SLC2A9: variants seen among roughly 807,000 people sequenced by gnomAD.
The protein encoded by SLC2A9 is solute carrier family 2, facilitated glucose transporter member 9.
SLC2A9 carries 39 observed loss-of-function variants against 50.6 expected under a neutral mutation model. The observed-to-expected ratio is 0.77, with a 90% CI of 0.60 to 1.01. The LOEUF (loss-of-function observed/expected upper bound fraction) is 1.01, where lower values mean the gene tolerates loss of function less well. Ranked by LOEUF, SLC2A9 falls within the 50% of genes least tolerant of loss-of-function variation. The pLI is 0.00. For missense variants in SLC2A9, 686 were observed against 677.6 expected, an observed-to-expected ratio of 1.01 and a Z score of -0.14; for synonymous variants, 324 against 276.9, an observed-to-expected ratio of 1.17 and a Z score of -1.69.
chr4:9,773,130 C>G (rs1318198570), intron 1 of SLC2A9, among the ~76,000 whole-genome samples: 1 of 152,204 alleles, frequency 6.6e-6, no homozygotes, highest in Non-Finnish European at 1.5e-5. Flanking sequence ...AACCTCCTTG[C>G]TCCTGAACTG....
At chr4:9,928,320 G>A (rs1266396578) in intron 6 of SLC2A9, among the ~76,000 whole-genome samples, 1 of 152,210 alleles carries the variant, frequency 6.6e-6, no homozygotes, top group Non-Finnish European at 1.5e-5. Flanking sequence ...GGATAAAGAT[G>A]ACATTTTAAC....
Position 9,995,464 on chromosome 4 carries a change from C to T in SLC2A9, c.410+1317G>A, listed in dbSNP as rs560807737. ...CAACTCTAGTTTTCTCCTTGTTGGG[C>T]TGTGAGGAAGAATGTAAAGGATTCG... On this transcript the variant is annotated intron_variant, in intron 3 of 11. Coordinates refer to ENST00000264784, the MANE Select transcript of SLC2A9 (RefSeq NM_020041.3). Among the ~76,000 whole-genome samples the T allele has an allele frequency of 3.3e-5, 5 of 152,238 alleles. No homozygotes were observed. The South Asian group carries it at 1.0e-3, about 32-fold the overall frequency.
intron 3 of SLC2A9, among the ~76,000 whole-genome samples, chr4:9,784,759 G>A (rs1247071481): frequency 6.6e-6 from 1 of 152,204 alleles, no homozygotes; most frequent in African/African-American, 2.4e-5. Context: ...ATCTAAATGT[G>A]AGCACTATTA....
chr4:9,818,632 G>C (rs1107911), intron 3 of SLC2A9, among the ~76,000 whole-genome samples: 11,711 of 152,268 alleles, frequency 0.077, 933 homozygotes, highest in East Asian at 0.25. Context: ...GGGGCTGCTG[G>C]CCAAGGCCAA....
Position 9,826,557 on chromosome 4 carries a change from C to G in SLC2A9, c.1463G>C (p.Cys488Ser), listed in dbSNP as rs1416584354. The change falls in exon 12 of 12, where the codon TGT becomes TCT. Residue 488 changes from cysteine (C) to serine (S), a missense_variant. Cys to Ser is a moderately radical substitution (Grantham distance 112, BLOSUM62 -1). Transcript: ENST00000264784. ...ATACAGGTAGATAGCACCTGTGATA[C>G]AAATTGTAGCAAAGACTAGGAAACA... Reference protein sequence around the residue: ...TYCFLVFATICITGAIYLYFV... With the variant: ...TYCFLVFATISITGAIYLYFV... 42 of 1,613,852 alleles carry G rather than the reference C, an allele frequency of 2.6e-5. No homozygotes were observed. The highest frequency in any genetic ancestry group is 3.5e-5 in the Non-Finnish European group (41 of 1,179,910).
chr4:10,030,106 C>A (rs1578391085), intron 1 of SLC2A9, among the ~76,000 whole-genome samples: 1 of 152,066 alleles, frequency 6.6e-6, no homozygotes, highest in South Asian at 2.1e-4. Context: ...TCAAAGGGAA[C>A]AAAGTTTCCA....
intron 10 of SLC2A9, among the ~76,000 whole-genome samples, chr4:9,838,927 C>A (rs148627391): frequency 6.6e-6 from 1 of 152,102 alleles, no homozygotes; most frequent in Non-Finnish European, 1.5e-5. Context: ...CAATACCATT[C>A]GGCAAATAGG....
At chr4:9,893,540 GGGAGGCAGAGAGGGAC>G (rs1737931757) in intron 8 of SLC2A9, among the ~76,000 whole-genome samples, 1 of 151,604 alleles carries the variant, frequency 6.6e-6, no homozygotes, top group African/African-American at 2.4e-5. Context: ...GAGAGATAGG[GGGAGGCAGAGAGGGAC>G]GGAGGGAGAG....
At chr4:9,969,398 G>A (rs78964079) in intron 5 of SLC2A9, among the ~76,000 whole-genome samples, 1 of 152,020 alleles carries the variant, frequency 6.6e-6, no homozygotes, top group Admixed American at 6.6e-5. Flanking sequence ...TTAAATTTTT[G>A]TCATTTACAG....
chr4:9,980,883 T>C (rs564972917), intron 4 of SLC2A9, 146 bp from the exon 5 acceptor site: 15 of 1,019,060 alleles, frequency 1.5e-5, no homozygotes, highest in East Asian at 2.6e-5. Context: ...TTAGCACAAA[T>C]TGCCAAAGCT....
upstream of SLC2A9, among the ~76,000 whole-genome samples, chr4:10,022,681 G>A (rs1441384350): frequency 1.3e-5 from 2 of 152,168 alleles, no homozygotes; most frequent in South Asian, 2.1e-4. Context: ...AAGAGAGATC[G>A]AAAAGTTAGC....
At chr4:9,774,974 A>T (rs1331782178), downstream of SLC2A9, among the ~76,000 whole-genome samples, 2 of 152,020 alleles carry the variant, frequency 1.3e-5, no homozygotes, top group South Asian at 2.1e-4. Context: ...CTACACATCA[A>T]TCCAGGCCAG....
At chr4:9,912,123 C>A (rs533267534) in intron 7 of SLC2A9, among the ~76,000 whole-genome samples, 1 of 152,182 alleles carries the variant, frequency 6.6e-6, no homozygotes, top group South Asian at 2.1e-4. Flanking sequence ...GGGAATATCA[C>A]ACACCAGTGA....
intron 3 of SLC2A9, among the ~76,000 whole-genome samples, chr4:9,988,690 G>C (rs1757160622): frequency 6.6e-6 from 1 of 152,276 alleles, no homozygotes. Flanking sequence ...ATTGTTTTTA[G>C]CTTCTCCAAT....
At chr4:9,811,892 C>A (rs1409536036) in intron 3 of SLC2A9, among the ~76,000 whole-genome samples, 1 of 151,816 alleles carries the variant, frequency 6.6e-6, no homozygotes, top group African/African-American at 2.4e-5. Flanking sequence ...CAGAGAAAAG[C>A]GGAAGGAAAA....
intron 3 of SLC2A9, among the ~76,000 whole-genome samples, chr4:9,806,504 C>T (rs1240298140): frequency 6.6e-6 from 1 of 152,212 alleles, no homozygotes; most frequent in African/African-American, 2.4e-5. Context: ...GCTCTGAAGG[C>T]TGTGAAACCC....
intron 4 of SLC2A9, among the ~76,000 whole-genome samples, chr4:9,981,819 T>C (rs1006365968): frequency 6.6e-6 from 1 of 152,210 alleles, no homozygotes; most frequent in Non-Finnish European, 1.5e-5. Flanking sequence ...CTGGCTGGAT[T>C]AGCAAGTCTT....
At position 9,826,526 on chromosome 4, in the gene SLC2A9, C is replaced by A. The variant is rs996527635; in HGVS notation, c.1494G>T (p.Val498=). Residue 498 remains valine (V), a synonymous_variant, in exon 12 of 12, where the codon GTG becomes GTT. Transcript: ENST00000264784. ...AGGTTCTGTTTTTGGTCTCAGGCAGCACAAAATACAGGTAGATAGCACCTG... is the reference window on the plus strand; with the variant it reads ...AGGTTCTGTTTTTGGTCTCAGGCAGAACAAAATACAGGTAGATAGCACCTG... ...CITGAIYLYF[V]LPETKNRTYA... The A allele has an allele frequency of 6.2e-7, 1 of 1,613,884 alleles. No homozygotes were observed. Among genetic ancestry groups the A allele is most frequent in the African/African-American group, 1.3e-5 (1 of 74,882 alleles).
downstream of SLC2A9, chr4:9,798,884 A>T (rs1279121280): frequency 6.6e-6 from 1 of 152,222 alleles, no homozygotes; most frequent in East Asian, 1.9e-4. Flanking sequence ...ACTAATACTT[A>T]TTCTAGGATG....
Sources: gnomAD v4.1 joint callset for allele counts (sites outside exome capture counted in the v4.1 genomes callset) on GRCh38, gnomAD v4.1.1 for gene constraint, MANE v1.5 for transcripts, NCBI Gene and HGNC (gene_info 2026-07-23, HGNC 2026-07-21) for gene names.